CSTPP1: variants seen among roughly 807,000 people sequenced by gnomAD.
CSTPP1 encodes the protein centriolar satellite-associated tubulin polyglutamylase complex regulator 1.
the CSTPP1 span, among the ~76,000 whole-genome samples, chr11:47,152,471 TGGCTGAAAGAGGAAGATGC>T: frequency 1.3e-5 from 2 of 152,174 alleles, no homozygotes; most frequent in African/African-American, 2.4e-5. Context: ...GTCCCATCTG[TGGCTGAAAGAGGAAGATGC>T]TAGTGGCACT....
chr11:46,952,955 T>G, the CSTPP1 span, among the ~76,000 whole-genome samples: 2 of 152,204 alleles, frequency 1.3e-5, no homozygotes, highest in Non-Finnish European at 2.9e-5. Flanking sequence ...GAGAGCTAGT[T>G]TTACAATAAA....
At chr11:46,965,265 G>A in the CSTPP1 span, among the ~76,000 whole-genome samples, 7 of 132,206 alleles carry the variant, frequency 5.3e-5, no homozygotes, top group South Asian at 1.4e-3. Context: ...TGGCTCTGTC[G>A]CTCGGGCTGG....
chr11:47,147,643 C>G, the CSTPP1 span, among the ~76,000 whole-genome samples: 4 of 152,066 alleles, frequency 2.6e-5, no homozygotes, highest in Non-Finnish European at 5.9e-5. Context: ...GCTTCATTAC[C>G]ACGAGACAGC....
the CSTPP1 span, among the ~76,000 whole-genome samples, chr11:46,943,417 T>A: frequency 6.6e-6 from 1 of 152,192 alleles, no homozygotes; most frequent in Non-Finnish European, 1.5e-5. Context: ...TTTGAGCAAC[T>A]CCCAAAGTGG....
the CSTPP1 span, among the ~76,000 whole-genome samples, chr11:47,148,012 G>A: frequency 1.3e-5 from 2 of 152,102 alleles, no homozygotes; most frequent in South Asian, 4.2e-4. Flanking sequence ...GCGGGCTGGA[G>A]CTAGGGCAGA....
At chr11:47,144,947 G>A in the CSTPP1 span, among the ~76,000 whole-genome samples, 6 of 145,732 alleles carry the variant, frequency 4.1e-5, no homozygotes, top group African/African-American at 1.0e-4. Context: ...GGAAACACAC[G>A]TTGAGAACCA....
the CSTPP1 span, among the ~76,000 whole-genome samples, chr11:47,044,758 GTT>G: frequency 6.6e-6 from 1 of 151,966 alleles, no homozygotes; most frequent in Admixed American, 6.6e-5. Context: ...AAAAAATTAA[GTT>G]TAGCCAGGCA....
chr11:47,117,401 T>A, the CSTPP1 span, among the ~76,000 whole-genome samples: 1 of 152,186 alleles, frequency 6.6e-6, no homozygotes, highest in South Asian at 2.1e-4. Flanking sequence ...TGAAGTTTAG[T>A]TTGGCTGGAT....
chr11:47,005,815 TAATG>T, the CSTPP1 span, among the ~76,000 whole-genome samples: 1 of 152,190 alleles, frequency 6.6e-6, no homozygotes, highest in South Asian at 2.1e-4. Flanking sequence ...TTAAATGAGT[TAATG>T]AAAGTAAAGT....
the CSTPP1 span, among the ~76,000 whole-genome samples, chr11:47,055,679 T>C: frequency 6.6e-6 from 1 of 152,318 alleles, no homozygotes; most frequent in East Asian, 1.9e-4. Flanking sequence ...GGTGAATTAG[T>C]AGCAAAGCTA....
chr11:47,031,040 G>T, the CSTPP1 span, among the ~76,000 whole-genome samples: 1 of 152,166 alleles, frequency 6.6e-6, no homozygotes, highest in African/African-American at 2.4e-5. Flanking sequence ...ATAAAGATGT[G>T]TGGTTACATT....
the CSTPP1 span, among the ~76,000 whole-genome samples, chr11:47,125,633 G>C: frequency 6.6e-6 from 1 of 152,184 alleles, no homozygotes; most frequent in Non-Finnish European, 1.5e-5. Context: ...TTTGTTTTCT[G>C]TGGCTTGCTC....
chr11:47,006,178 A>G, the CSTPP1 span, among the ~76,000 whole-genome samples: 1 of 152,200 alleles, frequency 6.6e-6, no homozygotes. Context: ...CAAGAACTTA[A>G]CATTAATTCA....
At chr11:46,963,953 A>AGG in the CSTPP1 span, among the ~76,000 whole-genome samples, 1 of 152,140 alleles carries the variant, frequency 6.6e-6, no homozygotes, top group Non-Finnish European at 1.5e-5. Context: ...CTAATTCATT[A>AGG]TTTTTAAATG....
chr11:47,130,989 T>C, the CSTPP1 span, among the ~76,000 whole-genome samples: 1 of 152,218 alleles, frequency 6.6e-6, no homozygotes, highest in Non-Finnish European at 1.5e-5. Context: ...TGTTCAGTCC[T>C]CTGGGACTCC....
chr11:47,134,254 G>A, the CSTPP1 span, among the ~76,000 whole-genome samples: 2 of 152,100 alleles, frequency 1.3e-5, no homozygotes, highest in South Asian at 2.1e-4. Flanking sequence ...CTGGAGTGCA[G>A]TGGCATGACC....
At chr11:47,120,112 C>T in the CSTPP1 span, among the ~76,000 whole-genome samples, 2 of 152,156 alleles carry the variant, frequency 1.3e-5, no homozygotes, top group Non-Finnish European at 2.9e-5. This position sits in a 1 kb window ranked among gnomAD's most constrained non-coding sequence, Gnocchi z 4.2. Context: ...GATTCTCACT[C>T]TCTTGACCCC....
the CSTPP1 span, chr11:47,161,527 T>G: frequency 6.2e-7 from 1 of 1,614,170 alleles, no homozygotes; most frequent in Non-Finnish European, 8.5e-7. Flanking sequence ...GTTGCCTGCC[T>G]TCCCGGACCC....
the CSTPP1 span, chr11:47,052,400 A>G: frequency 6.2e-7 from 1 of 1,613,810 alleles, no homozygotes; most frequent in Non-Finnish European, 8.5e-7. Context: ...TTAACAGTGT[A>G]TGCCAGGGAA....
Sources: gnomAD v4.1 joint callset for allele counts (sites outside exome capture counted in the v4.1 genomes callset) on GRCh38, gnomAD v4.1.1 for gene constraint, Gnocchi (gnomAD v3.1) non-coding constraint, MANE v1.5 for transcripts, NCBI Gene and HGNC (gene_info 2026-07-23, HGNC 2026-07-21) for gene names.